The following RBFOX1 variants were observed in gnomAD, a reference collection of about 807,000 sequenced individuals.
RBFOX1 encodes RNA binding protein fox-1 homolog 1.
RBFOX1 carries 8 observed loss-of-function variants against 57.7 expected under a neutral mutation model. That is an observed-to-expected ratio of 0.14 (90% confidence interval 0.08 to 0.25). The LOEUF (loss-of-function observed/expected upper bound fraction) is 0.25. RBFOX1 is among the 10% of genes least tolerant of loss of function. The pLI is 1.00. For synonymous variants in RBFOX1, 326 were observed against 222.4 expected (o/e 1.47, Z -4.15); for missense variants, 611 against 548.5 (o/e 1.11, Z -1.14).
At position 7,664,968 on chromosome 16, in the gene RBFOX1, T is replaced by C. The variant is rs1205298409; in HGVS notation, c.930T>C (p.Tyr310=). 1 of 1,613,834 alleles carries C rather than the reference T, an allele frequency of 6.2e-7. No homozygotes were observed. Among genetic ancestry groups the C allele is most frequent in the Non-Finnish European group, 8.5e-7 (1 of 1,179,860 alleles). ...ATGGATTTTATGGTGCAGACATTTA[T>C]GTAAGTATTCATTCACGTGCATGCC... ...YQDGFYGADI[Y]GGYAAYRYAQ... is the part of the protein sequence containing the mutation. The change falls in exon 13 of 16, where the codon TAT becomes TAC. Residue 310 remains tyrosine, a splice_region_variant and synonymous_variant. Coordinates refer to ENST00000550418, the MANE Select transcript of RBFOX1 (RefSeq NM_018723.4).
Position 7,120,830 on chromosome 16 carries a change from T to TATACACACACAC in RBFOX1, c.27+68733_27+68734insTACACACACACA, listed in dbSNP as rs1226442313. Among the ~76,000 whole-genome samples the TATACACACACAC allele has an allele frequency of 3.7e-3, 323 of 86,586 alleles. 2 individuals carry two copies. The highest frequency in any genetic ancestry group is 0.029 in the Middle Eastern group (4 of 140). The allele number at this position is 86,586 out of a possible 152,430, so 56.8% of individuals were successfully genotyped here. On this transcript the variant is annotated intron_variant, in intron 4 of 15. Transcript: ENST00000550418. ...ATGTAATATTTTATATATGTATATA[T>TATACACACACAC]ACACACACACACACACACACACACA...
intron 4 of RBFOX1, among the ~76,000 whole-genome samples, chr16:7,086,721 T>TACACACACACACACACACACACACAC (rs71280731): frequency 1.6e-4 from 24 of 149,584 alleles, no homozygotes; most frequent in African/African-American, 5.7e-4. Flanking sequence ...GAAGAATGTA[T>TACACACACACACACACACACACACAC]ACACACACAC....
At chr16:6,352,250 C>T (rs1001569509) in intron 2 of RBFOX1, among the ~76,000 whole-genome samples, 1 of 152,148 alleles carries the variant, frequency 6.6e-6, no homozygotes, top group Admixed American at 6.5e-5. Flanking sequence ...TTGTTTCCTC[C>T]ATCTAGTTTA....
At chr16:6,269,713 G>T (rs2074976600) in intron 1 of RBFOX1, among the ~76,000 whole-genome samples, 1 of 152,120 alleles carries the variant, frequency 6.6e-6, no homozygotes, top group Non-Finnish European at 1.5e-5. Flanking sequence ...TTGGCAGCTG[G>T]TCTACCTTAA....
chr16:6,960,863 G>A (rs555695686), intron 3 of RBFOX1, among the ~76,000 whole-genome samples: 1 of 151,674 alleles, frequency 6.6e-6, no homozygotes, highest in African/African-American at 2.4e-5. Flanking sequence ...TCCGGGTGCA[G>A]TGGCTCACAT....
chr16:5,810,397 C>G (rs1368184764), intron 3 of RBFOX1, among the ~76,000 whole-genome samples: 1 of 152,164 alleles, frequency 6.6e-6, no homozygotes, highest in Non-Finnish European at 1.5e-5. Flanking sequence ...ATAAACCAAT[C>G]TTGCTGACAC....
intron 1 of RBFOX1, among the ~76,000 whole-genome samples, chr16:6,080,299 T>G (rs528135840): frequency 3.6e-4 from 54 of 151,670 alleles, no homozygotes; most frequent in African/African-American, 1.1e-3. Flanking sequence ...ACCACCATTT[T>G]CTGCTTCACA....
chr16:6,277,219 G>A (rs146466253), intron 1 of RBFOX1, among the ~76,000 whole-genome samples: 1 of 151,992 alleles, frequency 6.6e-6, no homozygotes, highest in Non-Finnish European at 1.5e-5. Flanking sequence ...CCAGCACTTT[G>A]AGTGGCCAAG....
chr16:6,837,474 A>C (rs927916961), intron 3 of RBFOX1, among the ~76,000 whole-genome samples: 3 of 152,194 alleles, frequency 2.0e-5, no homozygotes, highest in Non-Finnish European at 4.4e-5. Context: ...GAAGGTGATG[A>C]GAACTAGACA....
chr16:7,525,766 G>A lies in RBFOX1; in HGVS notation c.270+7377G>A, dbSNP rs112537293. On this transcript the variant is annotated intron_variant, in intron 5 of 15. Transcript: ENST00000550418. ...GATCATGCTAGGCCCTCTTTTGGTCGCCATCTTGTTTTGTTACATCAACCT... is the reference window on the plus strand; with the variant it reads ...GATCATGCTAGGCCCTCTTTTGGTCACCATCTTGTTTTGTTACATCAACCT... Among the ~76,000 whole-genome samples the A allele has an allele frequency of 5.3e-5, 8 of 152,244 alleles. 1 individual carries two copies. The highest frequency in any genetic ancestry group is 1.2e-4 in the African/African-American group (5 of 41,532).
intron 3 of RBFOX1, among the ~76,000 whole-genome samples, chr16:6,693,780 T>A (rs1389689304): frequency 6.6e-6 from 1 of 151,656 alleles, no homozygotes; most frequent in African/African-American, 2.4e-5. Flanking sequence ...AACATCATCT[T>A]CCTCCGCTGC....
intron 3 of RBFOX1, among the ~76,000 whole-genome samples, chr16:6,689,606 A>G (rs554242335): frequency 1.3e-5 from 2 of 152,258 alleles, no homozygotes; most frequent in South Asian, 4.1e-4. Context: ...AACAATATCA[A>G]AGGGTTTCTG....
chr16:5,394,565 CT>C (rs35758196), intron 1 of RBFOX1, among the ~76,000 whole-genome samples: 31,844 of 133,902 alleles, frequency 0.24, 2,904 homozygotes, highest in Non-Finnish European at 0.26. Context: ...TTCTTTCTGT[CT>C]TTTTTTTTTT....
chr16:6,192,201 C>T (rs926723663), intron 1 of RBFOX1, among the ~76,000 whole-genome samples: 3 of 151,858 alleles, frequency 2.0e-5, no homozygotes, highest in East Asian at 3.9e-4. Context: ...AGCGAGATCT[C>T]CCCAGCACAC....
At chr16:7,196,079 G>T (rs1368752788) in intron 4 of RBFOX1, among the ~76,000 whole-genome samples, 1 of 151,624 alleles carries the variant, frequency 6.6e-6, no homozygotes, top group East Asian at 1.9e-4. Flanking sequence ...TATTATTATT[G>T]TTATTATTAT....
chr16:7,139,176 C>CTCTCTCTCTGTGTGTGTGTGTG (rs372381673), intron 4 of RBFOX1, among the ~76,000 whole-genome samples: 1 of 145,792 alleles, frequency 6.9e-6, no homozygotes, highest in Non-Finnish European at 1.5e-5. Context: ...CAATCTCTCT[C>CTCTCTCTCTGTGTGTGTGTGTG]TGTGTGTGTG....
intron 10 of RBFOX1, among the ~76,000 whole-genome samples, chr16:7,630,092 GT>G (rs1346418610): frequency 2.6e-5 from 4 of 152,042 alleles, no homozygotes; most frequent in Admixed American, 2.0e-4. Flanking sequence ...TATTGATTGA[GT>G]GATTATTACA....
intron 4 of RBFOX1, among the ~76,000 whole-genome samples, chr16:7,202,846 CT>C (rs2088946110): frequency 6.6e-6 from 1 of 152,210 alleles, no homozygotes; most frequent in Non-Finnish European, 1.5e-5. Flanking sequence ...AAACTGGTCC[CT>C]GGTGCCAAAA....
At chr16:6,786,916 A>G (rs1207412464) in intron 3 of RBFOX1, among the ~76,000 whole-genome samples, 3 of 152,200 alleles carry the variant, frequency 2.0e-5, no homozygotes, top group Non-Finnish European at 4.4e-5. Context: ...TTTAAAAAAA[A>G]AAAGGCTTAT....
Sources: gnomAD v4.1 joint callset for allele counts (sites outside exome capture counted in the v4.1 genomes callset) on GRCh38, gnomAD v4.1.1 for gene constraint, MANE v1.5 for transcripts, NCBI Gene and HGNC (gene_info 2026-07-23, HGNC 2026-07-21) for gene names.